The following THSD4 variants were observed in gnomAD, a reference collection of about 807,000 sequenced individuals.
The protein encoded by THSD4 is thrombospondin type 1 domain containing 4, also known as thrombospondin type-1 domain-containing protein 4.
THSD4 carries 69 observed loss-of-function variants against 119.0 expected under a neutral mutation model. The observed-to-expected ratio is 0.58, with a 90% CI of 0.48 to 0.71. The LOEUF is 0.71. THSD4 is among the 30% of genes least tolerant of loss of function. The probability of loss-of-function intolerance (pLI) is 0.00; values close to 1 mark genes in which losing one functional copy is unlikely to be tolerated. For synonymous variants in THSD4, 524 were observed against 540.4 expected (o/e 0.97, Z 0.42); for missense variants, 1,393 against 1,391.1 (o/e 1.00, Z -0.02).
intron 7 of THSD4, among the ~76,000 whole-genome samples, chr15:71,468,521 G>A (rs898917700): frequency 1.3e-5 from 2 of 152,210 alleles, no homozygotes; most frequent in South Asian, 2.1e-4. Context: ...CAAGGGCTCA[G>A]CCCTCACTTC....
At chr15:71,348,974 T>C (rs902582973) in intron 6 of THSD4, among the ~76,000 whole-genome samples, 7 of 152,252 alleles carry the variant, frequency 4.6e-5, no homozygotes, top group Admixed American at 3.9e-4. Flanking sequence ...TATTGTAATC[T>C]CTATAGTAAT....
At chr15:71,428,292 C>G (rs2046900751) in intron 7 of THSD4, among the ~76,000 whole-genome samples, 1 of 152,094 alleles carries the variant, frequency 6.6e-6, no homozygotes, top group Non-Finnish European at 1.5e-5. Flanking sequence ...GAAAACTGTG[C>G]TGTATGGGGA....
rs1011002778 is a variant in THSD4, at chr15:71,509,919, AT to A, written c.1152+98104del. Among the ~76,000 whole-genome samples, 19 of 152,018 alleles carry A rather than the reference AT, an allele frequency of 1.2e-4. 1 individual carries two copies. The highest frequency in any genetic ancestry group is 1.0e-3 in the Admixed American group (16 of 15,248). On this transcript the variant is annotated intron_variant, in intron 7 of 17. Coordinates refer to ENST00000261862, the MANE Select transcript of THSD4 (RefSeq NM_024817.3). ...TAGTGTTTCATTGGCTTTAAAAAGA[AT>A]TTTTTTTCTCCAGCAGGCTCTAGTG...
intron 6 of THSD4, among the ~76,000 whole-genome samples, chr15:71,379,237 A>G (rs1243550053): frequency 6.6e-6 from 1 of 152,038 alleles, no homozygotes; most frequent in Non-Finnish European, 1.5e-5. Context: ...TGTTGGTTAC[A>G]GAGAACAAGG....
chr15:71,355,399 T>C (rs188598509), intron 6 of THSD4, among the ~76,000 whole-genome samples: 1 of 152,326 alleles, frequency 6.6e-6, no homozygotes, highest in East Asian at 1.9e-4. Context: ...GTCATGTGTG[T>C]GTGCATGCAT....
Position 71,694,919 on chromosome 15 carries a change from C to A in THSD4, c.1358-33630C>A, listed in dbSNP as rs542858296. On this transcript the variant is annotated intron_variant, in intron 8 of 17. Transcript: ENST00000261862. ...ACCAGGATGGTCCTAAGTGCAGCAG[C>A]CCACAGGAGATGGAGAGGTGTGCCG... is the stretch of plus-strand genomic sequence containing the variant. Among the ~76,000 whole-genome samples, 8 of 152,216 alleles carry A rather than the reference C, an allele frequency of 5.3e-5. 1 individual carries two copies. The South Asian group carries it at 1.7e-3, about 32-fold the overall frequency.
Position 71,470,729 on chromosome 15 carries a change from G to A in THSD4, c.1152+58906G>A, listed in dbSNP as rs924167603. Among the ~76,000 whole-genome samples the A allele has an allele frequency of 2.6e-5, 4 of 151,624 alleles. No homozygotes were observed. In the East Asian group the frequency reaches 5.8e-4, roughly 22 times the overall value. The stretch of plus-strand genomic sequence containing the variant: ...CGGCTCACTGCAAGCTCCGCTTCCC[G>A]GGTTCACGCCATTCTCCTGCCTCAG... On this transcript the variant is annotated intron_variant, in intron 7 of 17. Transcript: ENST00000261862.
At chr15:71,502,588 A>G (rs970463153) in intron 7 of THSD4, among the ~76,000 whole-genome samples, 3 of 152,218 alleles carry the variant, frequency 2.0e-5, no homozygotes, top group Non-Finnish European at 2.9e-5. Context: ...TAGAGAAATG[A>G]AGGAACTTTG....
At chr15:71,497,651 T>G (rs1425814820) in intron 7 of THSD4, among the ~76,000 whole-genome samples, 1 of 152,150 alleles carries the variant, frequency 6.6e-6, no homozygotes, top group East Asian at 1.9e-4. Flanking sequence ...AGAGATAAAG[T>G]TTAATCTTTT....
chr15:71,611,468 C>T (rs901806018), intron 7 of THSD4, among the ~76,000 whole-genome samples: 1 of 152,214 alleles, frequency 6.6e-6, no homozygotes, highest in Admixed American at 6.5e-5. Context: ...CTCAGCAACC[C>T]CTGTGCCCAT....
At chr15:71,142,501 C>T (rs1369279292) in intron 2 of THSD4, among the ~76,000 whole-genome samples, 1 of 151,988 alleles carries the variant, frequency 6.6e-6, no homozygotes, top group Non-Finnish European at 1.5e-5. Flanking sequence ...TATAAATTTA[C>T]TTTATAAGTT....
At chr15:71,394,109 T>A (rs2046413297) in intron 6 of THSD4, among the ~76,000 whole-genome samples, 1 of 150,242 alleles carries the variant, frequency 6.7e-6, no homozygotes, top group Non-Finnish European at 1.5e-5. Context: ...TTAGTAGAAG[T>A]ATGTCCCATT....
rs960264833 is a variant in THSD4, at chr15:71,649,735, G to C, written c.1153-10795G>C. 2.0e-5 allele frequency among the ~76,000 whole-genome samples: 3 copies of C among 152,208 alleles called. No individual in the cohort carries two copies. The East Asian group carries it at 5.8e-4, about 29-fold the overall frequency. On this transcript the variant is annotated intron_variant, in intron 7 of 17. Coordinates refer to ENST00000261862, the MANE Select transcript of THSD4 (RefSeq NM_024817.3). ...TGTCTTCCAGGGTTTTGGCAGTTTG[G>C]GGTTTTACATTTAAGTCTTTAATCC...
intron 7 of THSD4, among the ~76,000 whole-genome samples, chr15:71,550,213 C>A (rs1380916119): frequency 6.6e-6 from 1 of 152,140 alleles, no homozygotes; most frequent in African/African-American, 2.4e-5. Context: ...GGGGAGCGTG[C>A]CAACGTGCAG....
chr15:71,251,318 A>G (rs567213991), intron 5 of THSD4, among the ~76,000 whole-genome samples: 1 of 152,284 alleles, frequency 6.6e-6, no homozygotes, highest in East Asian at 1.9e-4. Flanking sequence ...TCCACAGTGG[A>G]CATTTGGTGT....
intron 6 of THSD4, among the ~76,000 whole-genome samples, chr15:71,397,993 C>G (rs1438274048): frequency 6.6e-6 from 1 of 152,168 alleles, no homozygotes; most frequent in Non-Finnish European, 1.5e-5. Flanking sequence ...TGACTCTAGA[C>G]AAGTATTTTC....
At chr15:71,528,069 T>C (rs28676693) in intron 7 of THSD4, among the ~76,000 whole-genome samples, 9,260 of 152,108 alleles carry the variant, frequency 0.061, 915 homozygotes, top group African/African-American at 0.21. Context: ...CCTAAGAAAA[T>C]TGCCTTAAGT....
intron 7 of THSD4, among the ~76,000 whole-genome samples, chr15:71,520,432 TG>T (rs1478320153): frequency 8.5e-5 from 13 of 152,200 alleles, no homozygotes; most frequent in Admixed American, 6.5e-4. Context: ...TCCCGTGGGG[TG>T]GGGCCCAGGG....
rs902079951 is a variant in THSD4 at position 71,737,939 on chromosome 15, C to T, written c.1838C>T (p.Pro613Leu). The change falls in exon 11 of 18, where the codon CCA becomes CTA. Residue 613 changes from proline (P) to leucine (L), a missense_variant. Physicochemically the swap from Pro to Leu is moderately conservative, Grantham distance 98 (BLOSUM62 -3). Transcript: ENST00000261862. ...TTGGTGCCACCAGCACCGCAGCCCC[C>T]ACGGCGCAGCCGGGATCACAACTGG... is the stretch of plus-strand genomic sequence containing the variant. ...DNLVPPAPQP[P>L]RRSRDHNWKQ... 5.0e-6 allele frequency: 8 copies of T among 1,614,130 alleles called. No homozygotes were observed. The highest frequency in any genetic ancestry group is 5.9e-6 in the Non-Finnish European group (7 of 1,179,970).
Sources: gnomAD v4.1 joint callset for allele counts (sites outside exome capture counted in the v4.1 genomes callset) on GRCh38, gnomAD v4.1.1 for gene constraint, MANE v1.5 for transcripts, NCBI Gene and HGNC (gene_info 2026-07-23, HGNC 2026-07-21) for gene names.